Variants in PDE3B observed in about 807,000 individuals in gnomAD.
PDE3B encodes the protein cGMP-inhibited 3',5'-cyclic phosphodiesterase 3B.
PDE3B carries 66 observed loss-of-function variants against 116.8 expected under a neutral mutation model. That is an observed-to-expected ratio of 0.56 (90% confidence interval 0.46 to 0.69). PDE3B has a LOEUF of 0.69. Ranked by LOEUF, PDE3B falls within the 30% of genes least tolerant of loss-of-function variation. The probability of loss-of-function intolerance (pLI) is 0.00; values close to 1 mark genes in which losing one functional copy is unlikely to be tolerated. For missense variants in PDE3B, 1,384 were observed against 1,368.1 expected (o/e 1.01, Z -0.18); for synonymous variants, 595 against 533.6 (o/e 1.12, Z -1.59).
At chr11:14,728,916 G>A (rs1856387029) in intron 1 of PDE3B, among the ~76,000 whole-genome samples, 3 of 152,102 alleles carry the variant, frequency 2.0e-5, no homozygotes, top group Admixed American at 2.0e-4. Context: ...TTTTTTAAGT[G>A]TATGTAGTCA....
the PDE3B span, chr11:14,891,282 G>C: frequency 3.0e-6 from 3 of 985,350 alleles, no homozygotes; most frequent in Non-Finnish European, 3.6e-6. Flanking sequence ...GAGTCACCAA[G>C]TTGGCAGTGA....
At chr11:14,661,271 A>G (rs568733725) in intron 1 of PDE3B, among the ~76,000 whole-genome samples, 11 of 152,380 alleles carry the variant, frequency 7.2e-5, no homozygotes, top group African/African-American at 2.4e-4. Context: ...AACCAAGCCA[A>G]ATGTCCAACA....
At chr11:14,689,178 C>T (rs1013861733) in intron 1 of PDE3B, among the ~76,000 whole-genome samples, 31 of 152,112 alleles carry the variant, frequency 2.0e-4, no homozygotes, top group African/African-American at 5.3e-4. Flanking sequence ...TGAACAGATA[C>T]GATGAAAATT....
chr11:14,784,311 T>G (rs911769266), intron 2 of PDE3B, among the ~76,000 whole-genome samples: 1 of 152,218 alleles, frequency 6.6e-6, no homozygotes, highest in Admixed American at 6.5e-5. Flanking sequence ...ATCCTTCTTG[T>G]GAGTTTCATG....
At chr11:14,729,613 C>T (rs1454112351) in intron 1 of PDE3B, among the ~76,000 whole-genome samples, 1 of 152,162 alleles carries the variant, frequency 6.6e-6, no homozygotes, top group Non-Finnish European at 1.5e-5. Context: ...TCTGTTGAAA[C>T]ATTTGTAAGA....
intron 1 of PDE3B, among the ~76,000 whole-genome samples, chr11:14,721,130 TTC>T (rs945563346): frequency 5.3e-5 from 8 of 150,276 alleles, no homozygotes; most frequent in African/African-American, 2.0e-4. Context: ...GAACAGACAC[TTC>T]TCAAAAGAAG....
chr11:14,891,744 G>A, the PDE3B span: 1 of 1,349,156 alleles, frequency 7.4e-7, no homozygotes, highest in Non-Finnish European at 9.5e-7. Context: ...GGATCGCCTC[G>A]GAGCCTCGGC....
chr11:14,671,197 G>A (rs1270002186), intron 1 of PDE3B, among the ~76,000 whole-genome samples: 1 of 152,138 alleles, frequency 6.6e-6, no homozygotes, highest in African/African-American at 2.4e-5. Context: ...GATGCATGAA[G>A]AAAATAAAAC....
At chr11:14,786,208 TTAAAG>T (rs1394193992) in intron 2 of PDE3B, among the ~76,000 whole-genome samples, 5 of 151,976 alleles carry the variant, frequency 3.3e-5, no homozygotes, top group African/African-American at 1.2e-4. Context: ...ATTACAGACT[TTAAAG>T]TAAATACAGA....
chr11:14,780,481 C>G (rs181097883), intron 2 of PDE3B, among the ~76,000 whole-genome samples: 1 of 152,294 alleles, frequency 6.6e-6, no homozygotes, highest in East Asian at 1.9e-4. Flanking sequence ...GACCACAGTG[C>G]AGTCAAACTG....
rs114902419 is a variant in PDE3B, at chr11:14,702,252, C to G, written c.978+57199C>G. On this transcript the variant is annotated intron_variant, in intron 1 of 15. Transcript: ENST00000282096. ...CTCTGTTCCCATTTTAATATTATGT[C>G]TTTGATTCATGGGTACAACATCTAT... Among the ~76,000 whole-genome samples the G allele has an allele frequency of 2.9e-3, 444 of 151,614 alleles. 4 individuals are homozygous for G. The highest frequency in any genetic ancestry group is 9.9e-3 in the African/African-American group (411 of 41,396).
intron 1 of PDE3B, among the ~76,000 whole-genome samples, chr11:14,677,500 G>A (rs958709307): frequency 1.6e-4 from 25 of 151,786 alleles, no homozygotes; most frequent in African/African-American, 5.8e-4. Context: ...TATTTCCCTC[G>A]AATCTTAAGT....
At chr11:14,826,073 G>A (rs1487980400) in intron 7 of PDE3B, among the ~76,000 whole-genome samples, 1 of 152,114 alleles carries the variant, frequency 6.6e-6, no homozygotes, top group Non-Finnish European at 1.5e-5. Flanking sequence ...TAATACGAAT[G>A]AGAACAAAGA....
intron 12 of PDE3B, among the ~76,000 whole-genome samples, chr11:14,851,425 C>G (rs1847750279): frequency 6.6e-6 from 1 of 151,418 alleles, no homozygotes; most frequent in Non-Finnish European, 1.5e-5. Context: ...GATATATTCT[C>G]TTGAATTGTG....
chr11:14,700,594 G>A (rs1336113396), intron 1 of PDE3B: 1 of 151,690 alleles, frequency 6.6e-6, no homozygotes, highest in Non-Finnish European at 1.5e-5. Flanking sequence ...ATTAAAAAAA[G>A]GTTACTTAAA....
At chr11:14,885,998 T>C in the PDE3B span, 2 of 1,388,984 alleles carry the variant, frequency 1.4e-6, no homozygotes, top group Non-Finnish European at 1.0e-6. Context: ...AAGTGGTAAG[T>C]GCGGCTCTTC....
At chr11:14,885,162 T>C in the PDE3B span, among the ~76,000 whole-genome samples, 1 of 152,218 alleles carries the variant, frequency 6.6e-6, no homozygotes, top group Admixed American at 6.5e-5. Context: ...AAAATTCTTA[T>C]ACTATTAACT....
intron 1 of PDE3B, among the ~76,000 whole-genome samples, chr11:14,664,544 A>C (rs1854061182): frequency 6.6e-6 from 1 of 152,192 alleles, no homozygotes; most frequent in African/African-American, 2.4e-5. Context: ...AAGAAAAGAG[A>C]GAAGAATCAA....
At chr11:14,677,756 T>C (rs1854575319) in intron 1 of PDE3B, among the ~76,000 whole-genome samples, 1 of 152,232 alleles carries the variant, frequency 6.6e-6, no homozygotes, top group Non-Finnish European at 1.5e-5. Flanking sequence ...ACTGTAGTTT[T>C]ATCTTCTTGA....
Sources: allele counts gnomAD v4.1 joint callset (sites outside exome capture counted in the v4.1 genomes callset), GRCh38; gene constraint gnomAD v4.1.1; transcripts MANE v1.5; gene names NCBI Gene and HGNC (gene_info 2026-07-23, HGNC 2026-07-21).